The following AZIN2 variants were observed in gnomAD, a reference collection of about 807,000 sequenced individuals.
AZIN2 encodes antizyme inhibitor 2.
AZIN2 carries 28 observed loss-of-function variants against 47.8 expected under a neutral mutation model. That is an observed-to-expected ratio of 0.59 (90% confidence interval 0.43 to 0.80). AZIN2 has a LOEUF of 0.80. AZIN2 is among the 30% of genes least tolerant of loss of function. AZIN2 has a pLI of 0.00. For missense variants in AZIN2, 535 were observed against 582.5 expected (o/e 0.92, Z 0.84); for synonymous variants, 221 against 239.4 (o/e 0.92, Z 0.71).
At chr1:33,128,305 A>C (rs1403055689), downstream of AZIN2, among the ~76,000 whole-genome samples, 1 of 151,500 alleles carries the variant, frequency 6.6e-6, no homozygotes, top group East Asian at 1.9e-4. Flanking sequence ...TGAGCCTGGG[A>C]GGTCGAGGCT....
In AZIN2 at chr1:33,095,368, A is replaced by G. The variant is rs144097237; in HGVS notation, c.753+655A>G. Among the ~76,000 whole-genome samples the G allele has an allele frequency of 6.9e-3, 1,054 of 152,334 alleles. 14 individuals carry two copies. Among genetic ancestry groups the G allele is most frequent in the African/African-American group, 0.024 (1,000 of 41,574 alleles). Reference sequence around the variant, plus strand: ...CCATCTAATACTCAGGATTTGTTAAATTATGGTACATCCTTTTGATGAAAA... The same window carrying G: ...CCATCTAATACTCAGGATTTGTTAAGTTATGGTACATCCTTTTGATGAAAA... On this transcript the variant is annotated intron_variant, in intron 8 of 11. Transcript: ENST00000294517.
intron 10 of AZIN2, among the ~76,000 whole-genome samples, chr1:33,108,736 A>T (rs932998221): frequency 5.9e-5 from 9 of 152,168 alleles, no homozygotes; most frequent in Admixed American, 2.0e-4. Flanking sequence ...ATAATATTCC[A>T]TTATCTGGGT....
chr1:33,096,461 C>T (rs1643162726), intron 8 of AZIN2, among the ~76,000 whole-genome samples: 1 of 152,172 alleles, frequency 6.6e-6, no homozygotes, highest in African/African-American at 2.4e-5. Context: ...GAAGAGGACT[C>T]CTTCCCATTG....
the AZIN2 span, among the ~76,000 whole-genome samples, chr1:33,139,199 T>C: frequency 6.6e-6 from 1 of 152,132 alleles, no homozygotes; most frequent in Non-Finnish European, 1.5e-5. Flanking sequence ...AAAATCTAGG[T>C]GTCGGGGGAA....
At chr1:33,145,665 G>GAA in the AZIN2 span, 1 of 312,734 alleles carries the variant, frequency 3.2e-6, no homozygotes, top group African/African-American at 2.2e-5. Context: ...GGACTAGAAA[G>GAA]AAAAGTCAAG....
chr1:33,083,662 A>C, intron 4 of AZIN2: 5 of 445,348 alleles, frequency 1.1e-5, no homozygotes, highest in African/African-American at 2.0e-5. Context: ...TGGGGAGGGT[A>C]TTCTGCAGGA....
the AZIN2 span, chr1:33,159,693 G>A: frequency 1.1e-5 from 17 of 1,606,772 alleles, no homozygotes; most frequent in Middle Eastern, 1.7e-4. The surrounding 1 kb of genome is among the most constrained non-coding windows in gnomAD (Gnocchi z 4.2). Flanking sequence ...CTTACCGCTC[G>A]GACAGTGAGG....
In AZIN2 at chr1:33,101,525, G is replaced by C. The variant is rs191385947; in HGVS notation, c.1029+3346G>C. Among the ~76,000 whole-genome samples the C allele has an allele frequency of 6.7e-4, 98 of 146,810 alleles. 3 individuals are homozygous for C. In the East Asian group the frequency reaches 0.013, roughly 20 times the overall value. ...TTTTTTTTTTTTTTGAAATTAGGTAGATTTAGAGGTTTGAATAGCATCTCA... is the reference window on the plus strand; with the variant it reads ...TTTTTTTTTTTTTTGAAATTAGGTACATTTAGAGGTTTGAATAGCATCTCA... On this transcript the variant is annotated intron_variant, in intron 10 of 11. Transcript: ENST00000294517.
intron 9 of AZIN2, 61 bp from the exon 10 acceptor site, chr1:33,098,006 G>A (rs1643334883): frequency 1.6e-6 from 2 of 1,261,084 alleles, no homozygotes; most frequent in African/African-American, 1.5e-5. Context: ...TGTTGTGTCA[G>A]CCCCACTACC....
chr1:33,114,448 G>C (rs1324069008), intron 10 of AZIN2, among the ~76,000 whole-genome samples: 1 of 150,412 alleles, frequency 6.6e-6, no homozygotes, highest in Admixed American at 6.6e-5. Flanking sequence ...CCACCTTCCG[G>C]GTTCACGCCA....
intron 10 of AZIN2, among the ~76,000 whole-genome samples, chr1:33,108,382 GC>G (rs1644123437): frequency 7.1e-6 from 1 of 141,124 alleles, no homozygotes; most frequent in Non-Finnish European, 1.5e-5. Context: ...TCACTCTGTT[GC>G]CCAGGCTGGA....
Position 33,094,669 on chromosome 1 carries a change from G to T in AZIN2, c.709G>T (p.Gly237Cys), listed in dbSNP as rs1007263550. The stretch of plus-strand genomic sequence containing the variant: ...CAAGATGCACGTTCTGGACCTTGGT[G>T]GTGGCTTCCCTGGCACAGAAGGGGC... ...GHKMHVLDLG[G>C]GFPGTEGAKV... The change falls in exon 8 of 12, where the codon GGT becomes TGT. Residue 237 changes from glycine to cysteine, a missense_variant. Around this residue, in one of 3 missense-constraint regions of AZIN2, gnomAD observed 409 missense variants for 429.0 expected, o/e 0.95. Coordinates refer to ENST00000294517, the MANE Select transcript of AZIN2 (RefSeq NM_052998.4). 1 of 1,614,190 alleles carries T rather than the reference G, an allele frequency of 6.2e-7. No homozygotes were observed. The highest frequency in any genetic ancestry group is 1.7e-5 in the Admixed American group (1 of 60,020).
At chr1:33,146,016 G>A in the AZIN2 span, 1 of 423,718 alleles carries the variant, frequency 2.4e-6, no homozygotes, top group Non-Finnish European at 4.9e-6. Flanking sequence ...CACGGACCGT[G>A]GCAGAGGGAG....
the AZIN2 span, among the ~76,000 whole-genome samples, chr1:33,161,511 G>A: frequency 6.6e-6 from 1 of 152,164 alleles, no homozygotes; most frequent in Non-Finnish European, 1.5e-5. This position sits in a 1 kb window ranked among gnomAD's most constrained non-coding sequence, Gnocchi z 4.3. Flanking sequence ...CCCGACGCGC[G>A]GCTGCTGGCC....
chr1:33,084,185 C>T, intron 5 of AZIN2, 58 bp downstream of exon 5: 1 of 1,587,302 alleles, frequency 6.3e-7, no homozygotes, highest in South Asian at 1.1e-5. Context: ...CACACATGGC[C>T]AGGCTAGTCC....
downstream of AZIN2, among the ~76,000 whole-genome samples, chr1:33,125,339 G>T (rs780654192): frequency 6.6e-6 from 1 of 152,350 alleles, no homozygotes; most frequent in East Asian, 1.9e-4. Flanking sequence ...TCTGCTGAAA[G>T]CCCTTCAGTT....
chr1:33,086,706 G>C (rs1036078873), intron 5 of AZIN2, among the ~76,000 whole-genome samples: 1 of 152,194 alleles, frequency 6.6e-6, no homozygotes, highest in African/African-American at 2.4e-5. Flanking sequence ...CCACCTGCCC[G>C]AGGACCACTG....
chr1:33,154,438 C>T, the AZIN2 span, among the ~76,000 whole-genome samples: 1 of 151,304 alleles, frequency 6.6e-6, no homozygotes, highest in Non-Finnish European at 1.5e-5. Context: ...GCTTCTCATT[C>T]TCTCTTCCAT....
chr1:33,107,016 G>A (rs1204110893), intron 10 of AZIN2, among the ~76,000 whole-genome samples: 1 of 152,222 alleles, frequency 6.6e-6, no homozygotes, highest in African/African-American at 2.4e-5. Flanking sequence ...GCTTGGCGTG[G>A]TGGCTCATGC....
Sources: allele counts gnomAD v4.1 joint callset (sites outside exome capture counted in the v4.1 genomes callset), GRCh38; gene constraint gnomAD v4.1.1; regional missense constraint gnomAD v4.1.1; non-coding constraint Gnocchi (gnomAD v3.1); transcripts MANE v1.5; gene names NCBI Gene and HGNC (gene_info 2026-07-23, HGNC 2026-07-21).